ARL6IP6: variants seen among roughly 807,000 people sequenced by gnomAD.
ARL6IP6 encodes ARF like GTPase 6 interacting protein 6, also known as ADP-ribosylation factor-like protein 6-interacting protein 6.
A neutral mutation model predicts 21.5 loss-of-function variants in ARL6IP6; 22 were observed. The ratio of observed to expected loss-of-function variants is 1.02; its 90% confidence interval spans 0.73 to 1.46. The LOEUF is 1.46. ARL6IP6 is among the 40% of genes most tolerant of loss of function. The pLI is 0.00. For missense variants in ARL6IP6, 388 were observed against 299.8 expected, an observed-to-expected ratio of 1.29 and a Z score of -2.17; for synonymous variants, 164 against 125.3, an observed-to-expected ratio of 1.31 and a Z score of -2.06.
chr2:152,739,548 C>T (rs913412381), intron 3 of ARL6IP6, among the ~76,000 whole-genome samples: 1 of 152,130 alleles, frequency 6.6e-6, no homozygotes, highest in African/African-American at 2.4e-5. Context: ...GCATTTTGGT[C>T]AAAGCCATTC....
Position 152,720,539 on chromosome 2 carries a change from A to G in ARL6IP6, c.407A>G (p.His136Arg), listed in dbSNP as rs1559220831. The change falls in exon 2 of 4, where the codon CAT becomes CGT. Residue 136 changes from histidine (H) to arginine (R), a missense_variant. By Grantham distance (29) the His-to-Arg change is conservative (BLOSUM62 0). Transcript: ENST00000326446. ...AIAYLIVKEL[H>R]AENLKNEDDV... ...TCCCTCTTTGTATTTGCAGAGTTGCATGCTGAGAATTTGAAAAATGAAGAT... is the reference window on the plus strand; with the variant it reads ...TCCCTCTTTGTATTTGCAGAGTTGCGTGCTGAGAATTTGAAAAATGAAGAT... 3 of 1,613,828 alleles carry G rather than the reference A, an allele frequency of 1.9e-6. No homozygotes were observed. Among genetic ancestry groups the G allele is most frequent in the East Asian group, 2.2e-5 (1 of 44,870 alleles).
At chr2:152,731,938 G>C (rs941582892) in intron 2 of ARL6IP6, among the ~76,000 whole-genome samples, 1 of 151,950 alleles carries the variant, frequency 6.6e-6, no homozygotes, top group African/African-American at 2.4e-5. Context: ...ATATTTTCAG[G>C]ATCTTTCCAT....
In ARL6IP6 at chr2:152,761,581, G is replaced by GTTTTA. The variant is rs368716197; in HGVS notation, c.*1745_*1746insATTTT. On this transcript the variant is annotated 3_prime_UTR_variant, in exon 4 of 4. Coordinates refer to ENST00000326446, the MANE Select transcript of ARL6IP6 (RefSeq NM_152522.7). ...AGACAGTCATGTGCCATATAACAACGTTTTGGTCACAACGAACTGTACTTA... is the reference window on the plus strand; with the variant it reads ...AGACAGTCATGTGCCATATAACAACGTTTTATTTTGGTCACAACGAACTGTACTTA... Among the ~76,000 whole-genome samples, 127 of 152,226 alleles carry GTTTTA rather than the reference G, an allele frequency of 8.3e-4. 1 individual carries two copies. Among genetic ancestry groups the GTTTTA allele is most frequent in the Middle Eastern group, 3.4e-3 (1 of 294 alleles).
At chr2:152,748,827 A>G (rs1016920223) in intron 3 of ARL6IP6, among the ~76,000 whole-genome samples, 2 of 152,236 alleles carry the variant, frequency 1.3e-5, no homozygotes, top group Non-Finnish European at 2.9e-5. Flanking sequence ...CAATTATTCT[A>G]ACAGAGTGGA....
chr2:152,732,964 C>T (rs1216835909), intron 2 of ARL6IP6, among the ~76,000 whole-genome samples: 1 of 151,768 alleles, frequency 6.6e-6, no homozygotes, highest in East Asian at 1.9e-4. Flanking sequence ...ATAGGAAGGG[C>T]TGACTGTATA....
chr2:152,739,594 T>C (rs1294965394), intron 3 of ARL6IP6, among the ~76,000 whole-genome samples: 2 of 152,102 alleles, frequency 1.3e-5, no homozygotes, highest in Non-Finnish European at 2.9e-5. Flanking sequence ...TTTCCCACAT[T>C]TTCCTGTCTT....
chr2:152,730,485 C>T (rs1443955832), intron 2 of ARL6IP6, among the ~76,000 whole-genome samples: 5 of 152,006 alleles, frequency 3.3e-5, no homozygotes, highest in Admixed American at 1.3e-4. Flanking sequence ...CAAATAACAG[C>T]TATTTGGCAG....
intron 2 of ARL6IP6, among the ~76,000 whole-genome samples, chr2:152,724,332 T>C (rs986645244): frequency 2.0e-5 from 3 of 152,212 alleles, no homozygotes; most frequent in African/African-American, 7.2e-5. Flanking sequence ...ATTGCACTTT[T>C]ACAATATGCC....
chr2:152,756,863 C>T (rs904019111), intron 3 of ARL6IP6, among the ~76,000 whole-genome samples: 1 of 152,066 alleles, frequency 6.6e-6, no homozygotes, highest in Non-Finnish European at 1.5e-5. Flanking sequence ...ATACTTTCTA[C>T]TAAAGCCTAA....
upstream of ARL6IP6, chr2:152,718,611 T>G (rs1319274477): frequency 6.6e-7 from 1 of 1,503,914 alleles, no homozygotes; most frequent in Non-Finnish European, 8.9e-7. Flanking sequence ...GCGGGTTTCG[T>G]TGTGTTTCGC....
At chr2:152,757,876 A>G (rs550322329) in intron 3 of ARL6IP6, among the ~76,000 whole-genome samples, 5 of 152,216 alleles carry the variant, frequency 3.3e-5, no homozygotes, top group Admixed American at 6.5e-5. Context: ...ACATTTGAGC[A>G]TGTACATCTC....
chr2:152,737,867 C>T (rs1700622429), intron 3 of ARL6IP6, among the ~76,000 whole-genome samples: 1 of 152,132 alleles, frequency 6.6e-6, no homozygotes, highest in African/African-American at 2.4e-5. Flanking sequence ...ATCTCATGTC[C>T]TCACCTTTCA....
In ARL6IP6 at chr2:152,718,867, C is replaced by G. The variant is rs149208313; in HGVS notation, c.243C>G (p.Pro81=). ...SVLPPDGNGS[P]VLPDKRNGIF... is the part of the protein sequence containing the mutation. ...TCCCGCCGGACGGGAACGGGTCGCC[C>G]GTTCTGCCCGATAAGCGCAATGGTA... Residue 81 remains proline, a synonymous_variant, in exon 1 of 4, where the codon CCC becomes CCG. Coordinates refer to ENST00000326446, the MANE Select transcript of ARL6IP6 (RefSeq NM_152522.7). 11 of 1,613,522 alleles carry G rather than the reference C, an allele frequency of 6.8e-6. No homozygotes were observed. Among genetic ancestry groups the G allele is most frequent in the South Asian group, 1.1e-5 (1 of 90,964 alleles).
chr2:152,731,570 T>C (rs1341877076), intron 2 of ARL6IP6, among the ~76,000 whole-genome samples: 1 of 152,206 alleles, frequency 6.6e-6, no homozygotes, highest in Non-Finnish European at 1.5e-5. Context: ...TGATACGACC[T>C]CCTTGCTGCT....
chr2:152,737,027 G>A (rs1203346313), intron 3 of ARL6IP6, among the ~76,000 whole-genome samples: 1 of 152,052 alleles, frequency 6.6e-6, no homozygotes, highest in African/African-American at 2.4e-5. Context: ...GCCCTCTATT[G>A]GTTAAAAGCC....
intron 3 of ARL6IP6, among the ~76,000 whole-genome samples, chr2:152,750,053 T>C (rs1701250446): frequency 6.6e-6 from 1 of 152,252 alleles, no homozygotes; most frequent in Admixed American, 6.5e-5. Context: ...ATTTATATCC[T>C]CTGCATCATT....
chr2:152,735,798 T>C (rs1700523189), intron 3 of ARL6IP6, among the ~76,000 whole-genome samples: 1 of 140,620 alleles, frequency 7.1e-6, no homozygotes, highest in Non-Finnish European at 1.6e-5. Flanking sequence ...AGAAACTAAA[T>C]TATATTAAAT....
chr2:152,718,921 C>T lies in ARL6IP6; in HGVS notation c.297C>T (p.Ala99=). ...GIFPAAAGSR[A]QPRRWPVQVL... is the part of the protein sequence containing the mutation. ...TTCCCGCGGCCGCGGGCAGCAGAGC[C>T]CAGCCTCGGCGGTGGCCGGTCCAGG... The change falls in exon 1 of 4, where the codon GCC becomes GCT. Residue 99 remains alanine (A), a synonymous_variant. Transcript: ENST00000326446. 1 of 1,613,920 alleles carries T rather than the reference C, an allele frequency of 6.2e-7. No homozygotes were observed. Among genetic ancestry groups the T allele is most frequent in the South Asian group, 1.1e-5 (1 of 91,012 alleles).
At chr2:152,751,816 G>C (rs192629301) in intron 3 of ARL6IP6, among the ~76,000 whole-genome samples, 298 of 152,142 alleles carry the variant, frequency 2.0e-3, no homozygotes, top group African/African-American at 6.8e-3. Context: ...TGACTATTGT[G>C]AATGGTGCTG....
Sources: allele counts gnomAD v4.1 joint callset (sites outside exome capture counted in the v4.1 genomes callset), GRCh38; gene constraint gnomAD v4.1.1; transcripts MANE v1.5; gene names NCBI Gene and HGNC (gene_info 2026-07-23, HGNC 2026-07-21).